The following LCORL variants were observed in gnomAD, a reference collection of about 807,000 sequenced individuals.
LCORL encodes the protein ligand-dependent nuclear receptor corepressor-like protein.
In LCORL, 41 loss-of-function variants were observed where a neutral mutation model predicts 141.8. The observed-to-expected ratio is 0.29, with a 90% CI of 0.23 to 0.38. The LOEUF (loss-of-function observed/expected upper bound fraction) is 0.38, where lower values mean the gene tolerates loss of function less well. LCORL is among the 10% of genes least tolerant of loss of function. The pLI is 1.00. For missense variants in LCORL, 1,759 were observed against 2,035.0 expected, an observed-to-expected ratio of 0.86 and a Z score of 2.61; for synonymous variants, 618 against 694.1, an observed-to-expected ratio of 0.89 and a Z score of 1.72.
chr4:17,919,713 T>C (rs936959367), intron 4 of LCORL, among the ~76,000 whole-genome samples: 1 of 152,208 alleles, frequency 6.6e-6, no homozygotes, highest in African/African-American at 2.4e-5. Flanking sequence ...AGTCTTTTAT[T>C]AGGGTGTTGT....
At chr4:17,981,121 A>C (rs1440998161) in intron 1 of LCORL, among the ~76,000 whole-genome samples, 4 of 152,156 alleles carry the variant, frequency 2.6e-5, no homozygotes, top group Admixed American at 2.6e-4. Context: ...AAAGCTATAT[A>C]ACTTTTTTGT....
At chr4:18,018,479 A>G (rs1004240817) in intron 1 of LCORL, among the ~76,000 whole-genome samples, 1 of 152,186 alleles carries the variant, frequency 6.6e-6, no homozygotes, top group African/African-American at 2.4e-5. Flanking sequence ...ATGTGGAATG[A>G]ACCAGAACAG....
At position 17,998,810 on chromosome 4, in the gene LCORL, CAAA is replaced by C. The variant is rs1373210374; in HGVS notation, c.154+22785_154+22787del. 2.0e-5 allele frequency among the ~76,000 whole-genome samples: 3 copies of C among 150,734 alleles called. No individual in the cohort carries two copies. In the East Asian group the frequency reaches 5.9e-4, roughly 29 times the overall value. ...CGAAACCCTGTCTCTGCAAAAACCA[CAAA>C]AATTAGCCAGGCATGGTTGTGCACA... On this transcript the variant is annotated intron_variant, in intron 1 of 7. Transcript: ENST00000635767.
chr4:17,946,611 C>G (rs1351019925), intron 4 of LCORL, among the ~76,000 whole-genome samples: 2 of 151,770 alleles, frequency 1.3e-5, no homozygotes, highest in African/African-American at 2.4e-5. Flanking sequence ...TTACTAAGAT[C>G]AGTACTCTTA....
At chr4:17,968,930 C>T (rs115107997) in intron 2 of LCORL, among the ~76,000 whole-genome samples, 1,770 of 152,232 alleles carry the variant, frequency 0.012, 35 homozygotes, top group African/African-American at 0.04. Flanking sequence ...TGATATGTTG[C>T]CACACCTAGA....
chr4:17,875,193 G>A, exon 7 of LCORL: 1 of 1,231,778 alleles, frequency 8.1e-7, no homozygotes, highest in Non-Finnish European at 1.0e-6. Flanking sequence ...TTCCTGAGGT[G>A]AAGTTCTATT....
At position 17,861,672 on chromosome 4, in the gene LCORL, G is replaced by C. The variant is rs147989787; in HGVS notation, c.5602+11716C>G. 3.6e-3 allele frequency among the ~76,000 whole-genome samples: 544 copies of C among 152,264 alleles called. 2 individuals are homozygous for C. The highest frequency in any genetic ancestry group is 6.5e-3 in the Non-Finnish European group (443 of 68,016). On this transcript the variant is annotated intron_variant, in intron 7 of 7. Coordinates refer to ENST00000635767, the Ensembl canonical transcript of LCORL. ...TTCTTTTCTATCAAATTGTCAGGCT[G>C]CAAATTTTCCGAACTTTTATGCTCT...
chr4:17,910,695 A>C (rs1327797394), intron 4 of LCORL, among the ~76,000 whole-genome samples: 1 of 152,072 alleles, frequency 6.6e-6, no homozygotes, highest in East Asian at 1.9e-4. Context: ...CAACAAACCC[A>C]CTCTCACCAC....
intron 1 of LCORL, among the ~76,000 whole-genome samples, chr4:18,001,035 T>C (rs1339726665): frequency 6.6e-6 from 1 of 152,050 alleles, no homozygotes; most frequent in South Asian, 2.1e-4. Context: ...GCTGAGTGAG[T>C]TGGCTCACAC....
rs1729074529 is a variant in LCORL, at chr4:17,891,491, T to C, written c.683-5330A>G. ...AAAAGATATACCGTAGATTGTACAATTTTTTAAAAACACTAAATATTTAAA... is the reference window on the plus strand; with the variant it reads ...AAAAGATATACCGTAGATTGTACAACTTTTTAAAAACACTAAATATTTAAA... On this transcript the variant is annotated intron_variant, in intron 5 of 7. Transcript: ENST00000635767. Among the ~76,000 whole-genome samples, 4 of 152,286 alleles carry C rather than the reference T, an allele frequency of 2.6e-5. No homozygotes were observed. The South Asian group carries it at 8.3e-4, about 32-fold the overall frequency.
intron 7 of LCORL, among the ~76,000 whole-genome samples, chr4:17,861,574 A>G (rs935522229): frequency 2.6e-5 from 4 of 152,130 alleles, no homozygotes; most frequent in Admixed American, 6.5e-5. Flanking sequence ...TGGCTTGGAG[A>G]TTAACGTGTG....
chr4:18,013,153 A>G (rs892014029), intron 1 of LCORL, among the ~76,000 whole-genome samples: 4 of 149,878 alleles, frequency 2.7e-5, no homozygotes, highest in African/African-American at 1.0e-4. Context: ...CCTTATTGTA[A>G]TATTTTTCTC....
At chr4:17,949,224 C>T (rs1461612244) in intron 4 of LCORL, among the ~76,000 whole-genome samples, 1 of 152,048 alleles carries the variant, frequency 6.6e-6, no homozygotes, top group Non-Finnish European at 1.5e-5. Context: ...ACTACGTGTA[C>T]AATTGATGTG....
chr4:17,915,267 C>A (rs963165260), intron 4 of LCORL, among the ~76,000 whole-genome samples: 15 of 152,222 alleles, frequency 9.9e-5, no homozygotes, highest in South Asian at 4.2e-4. Context: ...TGTGGACTTG[C>A]AAGACATTCT....
intron 7 of LCORL, among the ~76,000 whole-genome samples, chr4:17,855,431 G>T (rs529957596): frequency 6.6e-6 from 1 of 152,100 alleles, no homozygotes; most frequent in East Asian, 1.9e-4. Flanking sequence ...GGTTTATAAC[G>T]TTCCGAAACC....
At chr4:17,996,624 A>T (rs1245277959) in intron 1 of LCORL, among the ~76,000 whole-genome samples, 1 of 152,108 alleles carries the variant, frequency 6.6e-6, no homozygotes, top group Non-Finnish European at 1.5e-5. Context: ...TTTAAATGCA[A>T]GGTAGTTGAA....
chr4:17,881,687 A>T, intron 6 of LCORL: 2 of 942,350 alleles, frequency 2.1e-6, no homozygotes, highest in Non-Finnish European at 2.5e-6. Flanking sequence ...CTTCTCAATC[A>T]ATTTATTAAT....
At chr4:17,864,207 G>A (rs1577274514) in intron 7 of LCORL, among the ~76,000 whole-genome samples, 2 of 152,240 alleles carry the variant, frequency 1.3e-5, no homozygotes, top group South Asian at 2.1e-4. Context: ...AGTTAATGAT[G>A]TATACTATAA....
At chr4:17,914,431 A>T (rs549241529) in intron 4 of LCORL, among the ~76,000 whole-genome samples, 14 of 152,312 alleles carry the variant, frequency 9.2e-5, no homozygotes, top group African/African-American at 3.4e-4. Context: ...TTTACAGCAA[A>T]GTTTAAAGCA....
Sources: allele counts gnomAD v4.1 joint callset (sites outside exome capture counted in the v4.1 genomes callset), GRCh38; gene constraint gnomAD v4.1.1; transcripts MANE v1.5; gene names NCBI Gene and HGNC (gene_info 2026-07-23, HGNC 2026-07-21).